The following ASB15 variants were observed in gnomAD, a reference collection of about 807,000 sequenced individuals.
ASB15 encodes the protein ankyrin repeat and SOCS box protein 15.
A neutral mutation model predicts 58.0 loss-of-function variants in ASB15; 54 were observed. The ratio of observed to expected loss-of-function variants is 0.93; its 90% CI spans 0.75 to 1.17. The LOEUF (loss-of-function observed/expected upper bound fraction) is 1.17. Among genes scored for constraint, ASB15 ranks in the 50% most tolerant of loss-of-function variants. The probability of loss-of-function intolerance (pLI) is 0.00; values close to 1 mark genes in which losing one functional copy is unlikely to be tolerated. For synonymous variants in ASB15, 249 were observed against 262.4 expected, an observed-to-expected ratio of 0.95 and a Z score of 0.50; for missense variants, 680 against 707.4, an observed-to-expected ratio of 0.96 and a Z score of 0.44.
chr7:123,575,267 C>T (rs1049274716), intron 1 of ASB15, among the ~76,000 whole-genome samples: 2 of 151,928 alleles, frequency 1.3e-5, no homozygotes, highest in Non-Finnish European at 2.9e-5. Flanking sequence ...GAAACTATCA[C>T]GTTCCTTCTT....
intron 1 of ASB15, among the ~76,000 whole-genome samples, chr7:123,590,540 G>A (rs866059371): frequency 9.9e-5 from 15 of 152,186 alleles, no homozygotes; most frequent in African/African-American, 3.6e-4. Flanking sequence ...TCTACATATG[G>A]CTAGCCAGTT....
chr7:123,611,468 A>AT (rs144284582), intron 3 of ASB15, among the ~76,000 whole-genome samples: 32,776 of 149,890 alleles, frequency 0.22, 3,711 homozygotes, highest in East Asian at 0.4. Flanking sequence ...TTTTTTTTGT[A>AT]TTTTTTTTTA....
intron 1 of ASB15, among the ~76,000 whole-genome samples, chr7:123,595,121 G>A (rs2116379499): frequency 6.6e-6 from 1 of 152,344 alleles, no homozygotes; most frequent in East Asian, 1.9e-4. Flanking sequence ...CCAGGCATGG[G>A]AGGCCTAAAT....
At chr7:123,580,289 G>A (rs1280806642) in intron 1 of ASB15, among the ~76,000 whole-genome samples, 1 of 152,018 alleles carries the variant, frequency 6.6e-6, no homozygotes, top group Non-Finnish European at 1.5e-5. Flanking sequence ...ATGGCAGGCC[G>A]TTCTCTGTTG....
chr7:123,582,046 A>C (rs753908308), intron 1 of ASB15, among the ~76,000 whole-genome samples: 1 of 152,028 alleles, frequency 6.6e-6, no homozygotes, highest in Non-Finnish European at 1.5e-5. Flanking sequence ...TTATTAATAG[A>C]TGAAAATCTC....
chr7:123,616,306 C>T, intron 5 of ASB15, 33 bp downstream of exon 5: 1 of 1,609,008 alleles, frequency 6.2e-7, no homozygotes. Context: ...GTGGGATGGA[C>T]TGGAGATTCC....
Position 123,630,055 on chromosome 7 carries a change from G to A in ASB15, c.1530G>A (p.Leu510=). 6.2e-7 allele frequency: 1 copy of A among 1,609,964 alleles called. No individual in the cohort carries two copies. The highest frequency in any genetic ancestry group is 8.5e-7 in the Non-Finnish European group (1 of 1,177,054). The part of the protein sequence containing the change: ...VLIDYMDYVP[L]CAKLKSALEV... ...TAGATTACATGGATTATGTTCCTCT[G>A]TGTGCTAAACTGAAGTCTGCACTAG... The change falls in exon 11 of 12, where the codon CTG becomes CTA. Residue 510 remains leucine, a synonymous_variant. Coordinates refer to ENST00000451215, the MANE Select transcript of ASB15 (RefSeq NM_001290258.2).
rs1562935971 is a variant in ASB15, at chr7:123,623,956, AAAGAAAG to A, written c.452-610_452-604del. Among the ~76,000 whole-genome samples the A allele has an allele frequency of 3.3e-3, 451 of 136,356 alleles. 7 individuals carry two copies. Among genetic ancestry groups the A allele is most frequent in the Admixed American group, 5.5e-3 (78 of 14,140 alleles). 89.5% of individuals were successfully genotyped at this position (136,356 alleles called of 152,430 possible). ...AAAAGAAAGAAAGAAAGAAAGAAAGAAAGAAAGAAAGAAAGAAAGAAAGAAAGAAAGA... is the reference window on the plus strand; with the variant it reads ...AAAAGAAAGAAAGAAAGAAAGAAAGAAAAGAAAGAAAGAAAGAAAGAAAGA... On this transcript the variant is annotated intron_variant, in intron 7 of 11. Transcript: ENST00000451215.
chr7:123,623,328 GA>G (rs1034543954), intron 7 of ASB15, among the ~76,000 whole-genome samples: 6 of 151,846 alleles, frequency 4.0e-5, no homozygotes, highest in Admixed American at 6.5e-5. Context: ...TACTTAAAAG[GA>G]AAAAAAAGTT....
At chr7:123,603,502 A>T (rs940381528) in intron 1 of ASB15, among the ~76,000 whole-genome samples, 4 of 152,190 alleles carry the variant, frequency 2.6e-5, no homozygotes, top group Non-Finnish European at 4.4e-5. Context: ...TGGTGTCTTT[A>T]AGAGGGTTTG....
chr7:123,624,194 C>T (rs975345472), intron 7 of ASB15, among the ~76,000 whole-genome samples: 3 of 152,070 alleles, frequency 2.0e-5, no homozygotes, highest in Non-Finnish European at 4.4e-5. Flanking sequence ...AGGTACTACA[C>T]TGAGAATTTT....
chr7:123,630,193 T>C lies in ASB15; in HGVS notation c.1594+74T>C, dbSNP rs532052301. 7.8e-5 allele frequency: 93 copies of C among 1,193,168 alleles called. No individual in the cohort carries two copies. In the African/African-American group the frequency reaches 9.8e-4, roughly 13 times the overall value. 73.9% of individuals were successfully genotyped at this position (1,193,168 alleles called of 1,614,324 possible). A position where few individuals can be genotyped will look rare whatever the true frequency, so the allele number is the denominator to read the frequency against. ...GGGGGAAATTTCTTAATGTCTTCTT[T>C]GATACTTTTCCTATGCTACTCTACT... On this transcript the variant is annotated intron_variant, in intron 11 of 11. Coordinates refer to ENST00000451215, the MANE Select transcript of ASB15 (RefSeq NM_001290258.2).
rs370802872 is a variant in ASB15, at chr7:123,616,328, A to G, written c.161-36A>G. On this transcript the variant is annotated intron_variant, in intron 5 of 11. Transcript: ENST00000451215. The stretch of plus-strand genomic sequence containing the variant: ...GGACTGGAGATTCCACCTTGCAAAA[A>G]CAGAGATTAGTCATCAGTCCATGTG... The G allele has an allele frequency of 1.1e-5, 18 of 1,610,372 alleles. No homozygotes were observed. The African/African-American group carries it at 1.9e-4, about 17-fold the overall frequency.
At chr7:123,616,786 A>G (rs1800847117) in intron 6 of ASB15, among the ~76,000 whole-genome samples, 1 of 150,954 alleles carries the variant, frequency 6.6e-6, no homozygotes, top group South Asian at 2.1e-4. Context: ...ATCATGAATT[A>G]ATTGAGTCAT....
At chr7:123,593,767 TC>T (rs1184311982) in intron 1 of ASB15, among the ~76,000 whole-genome samples, 1 of 152,150 alleles carries the variant, frequency 6.6e-6, no homozygotes, top group African/African-American at 2.4e-5. Context: ...TTGGGGTTGC[TC>T]TTCTCGAGGA....
upstream of ASB15, among the ~76,000 whole-genome samples, chr7:123,600,122 A>T (rs925257385): frequency 3.3e-5 from 5 of 152,162 alleles, no homozygotes; most frequent in Non-Finnish European, 7.4e-5. Flanking sequence ...TGCCATGGTC[A>T]TTGTATCATC....
upstream of ASB15, chr7:123,598,919 T>G (rs1030339070): frequency 2.0e-5 from 3 of 152,182 alleles, no homozygotes; most frequent in African/African-American, 7.2e-5. Context: ...TTGGCTCATG[T>G]TTTCAGTTGT....
rs1802498879 is a variant in ASB15 at position 123,637,878 on chromosome 7, T to TAACAAAAAAAAAAAAAAAAAAAAAAAAAA, written c.*899_*900insCAAAAAAAAAAAAAAAAAAAAAAAAAAAA. The TAACAAAAAAAAAAAAAAAAAAAAAAAAAA allele has an allele frequency of 1.9e-5, 1 of 52,468 alleles. No homozygotes were observed. Among genetic ancestry groups the TAACAAAAAAAAAAAAAAAAAAAAAAAAAA allele is most frequent in the Non-Finnish European group, 3.7e-5 (1 of 26,694 alleles). 3.3% of individuals were successfully genotyped at this position (52,468 alleles called of 1,614,324 possible). A position where few individuals can be genotyped will look rare whatever the true frequency, so the allele number is the denominator to read the frequency against. On this transcript the variant is annotated 3_prime_UTR_variant, in exon 12 of 12. Coordinates refer to ENST00000451215, the MANE Select transcript of ASB15 (RefSeq NM_001290258.2). Reference sequence around the variant, plus strand: ...AAATTCAACATGTCCCCAGATGAACTAAAAAAAAAAAAAAAAAAAAAACCT... The same window carrying TAACAAAAAAAAAAAAAAAAAAAAAAAAAA: ...AAATTCAACATGTCCCCAGATGAACTAACAAAAAAAAAAAAAAAAAAAAAAAAAAAAAAAAAAAAAAAAAAAAAAAACCT...
At chr7:123,616,099 C>T (rs994153461) in intron 4 of ASB15, 122 bp from the exon 5 acceptor site, 28 of 775,324 alleles carry the variant, frequency 3.6e-5, no homozygotes, top group Non-Finnish European at 5.4e-5. Flanking sequence ...CAATTATATG[C>T]ATCTCCTTTG....
Sources: allele counts gnomAD v4.1 joint callset (sites outside exome capture counted in the v4.1 genomes callset), GRCh38; gene constraint gnomAD v4.1.1; transcripts MANE v1.5; gene names NCBI Gene and HGNC (gene_info 2026-07-23, HGNC 2026-07-21).